Variants in SCN3A observed in about 807,000 individuals in gnomAD.
The protein encoded by SCN3A is sodium voltage-gated channel alpha subunit 3.
In SCN3A, 60 loss-of-function variants were observed where a neutral mutation model predicts 187.6. The ratio of observed to expected loss-of-function variants is 0.32; its 90% CI spans 0.26 to 0.40. The LOEUF is 0.40. SCN3A is among the 10% of genes least tolerant of loss of function. The pLI, the probability that SCN3A is intolerant of heterozygous loss-of-function variation, is 1.00. For missense variants in SCN3A, 1,601 were observed against 2,428.2 expected (o/e 0.66, Z 7.16); for synonymous variants, 788 against 829.2 (o/e 0.95, Z 0.85).
At chr2:165,201,301 AG>A (rs1447743392) in intron 1 of SCN3A, among the ~76,000 whole-genome samples, 11 of 152,068 alleles carry the variant, frequency 7.2e-5, no homozygotes, top group Admixed American at 7.2e-4. Flanking sequence ...TGTTTCAGCA[AG>A]GGCATCCTTC....
In SCN3A at chr2:165,127,763, T is replaced by G; in HGVS notation, c.3261A>C (p.Glu1087Asp). The G allele has an allele frequency of 6.2e-7, 1 of 1,614,096 alleles. No individual in the cohort carries two copies. Among genetic ancestry groups the G allele is most frequent in the Non-Finnish European group, 8.5e-7 (1 of 1,179,960 alleles). ...TGTTTATGAATGACATATAATCATTTTCATCGATTACGTATTTTTCAACAC... is the reference window on the plus strand; with the variant it reads ...TGTTTATGAATGACATATAATCATTGTCATCGATTACGTATTTTTCAACAC... Reference protein sequence around the residue: ...GSSVEKYVIDENDYMSFINNP... With the variant: ...GSSVEKYVIDDNDYMSFINNP... The change falls in exon 18 of 28, where the codon GAA becomes GAC. Residue 1087 changes from glutamate (E) to aspartate (D), a missense_variant. This residue lies in a region of SCN3A where 267 missense variants were observed against 313.2 expected (regional missense o/e 0.85). Transcript: ENST00000283254.
At chr2:165,117,671 A>C (rs1686439163) in intron 18 of SCN3A, among the ~76,000 whole-genome samples, 1 of 152,130 alleles carries the variant, frequency 6.6e-6, no homozygotes, top group African/African-American at 2.4e-5. Flanking sequence ...TAGTCTTTAG[A>C]TAATTCTATC....
At chr2:165,179,310 C>T (rs901531282) in intron 2 of SCN3A, among the ~76,000 whole-genome samples, 2 of 152,136 alleles carry the variant, frequency 1.3e-5, no homozygotes, top group Admixed American at 6.5e-5. Context: ...ATTGAGGCAC[C>T]TCAACACAGA....
intron 21 of SCN3A, among the ~76,000 whole-genome samples, chr2:165,108,386 A>G (rs1010623795): frequency 6.6e-6 from 1 of 152,114 alleles, no homozygotes; most frequent in South Asian, 2.1e-4. Context: ...GTTCACCTCA[A>G]CAGAGCAGCT....
chr2:165,115,289 AC>A (rs1335679884), intron 19 of SCN3A, among the ~76,000 whole-genome samples, 165 bp downstream of exon 19: 1 of 151,478 alleles, frequency 6.6e-6, no homozygotes, highest in Non-Finnish European at 1.5e-5. Flanking sequence ...GTGGTCTCAA[AC>A]TCCTGGGGTC....
chr2:165,171,516 A>G (rs1690099998), intron 3 of SCN3A, among the ~76,000 whole-genome samples: 3 of 152,192 alleles, frequency 2.0e-5, no homozygotes, highest in Non-Finnish European at 1.5e-5. Flanking sequence ...TGCCAATTGA[A>G]TGAAAATTTC....
At chr2:165,159,764 A>G (rs1266491122) in intron 9 of SCN3A, among the ~76,000 whole-genome samples, 1 of 134,722 alleles carries the variant, frequency 7.4e-6, no homozygotes, top group Non-Finnish European at 1.5e-5. Context: ...TCTTTGTAAA[A>G]CAGCAGCTTT....
At chr2:165,151,362 AT>A (rs1461658560) in intron 11 of SCN3A, among the ~76,000 whole-genome samples, 1 of 152,194 alleles carries the variant, frequency 6.6e-6, no homozygotes, top group East Asian at 1.9e-4. Context: ...ATGTGGAGCC[AT>A]TCATCTGAAA....
At position 165,140,812 on chromosome 2, in the gene SCN3A, G is replaced by T. The variant is rs1288869563; in HGVS notation, c.1858C>A (p.Arg620=). 6.2e-7 allele frequency: 1 copy of T among 1,614,034 alleles called. No homozygotes were observed. The highest frequency in any genetic ancestry group is 1.7e-5 in the Admixed American group (1 of 59,996). ...GCCTGACTAACGTTACTGTTGCGTC[G>T]CTCTCCATGTCTGTGCGGCACAAAC... The part of the protein sequence containing the change: ...SLFVPHRHGE[R]RNSNVSQASM... Residue 620 remains arginine (R), a synonymous_variant, in exon 13 of 28, where the codon CGA becomes AGA. Coordinates refer to ENST00000283254, the MANE Select transcript of SCN3A (RefSeq NM_006922.4). The surrounding 1 kb of genome is among the most constrained non-coding windows in gnomAD (Gnocchi z 4.2).
At position 165,089,375 on chromosome 2, in the gene SCN3A, A is replaced by G. The variant is rs929944254; in HGVS notation, c.*775T>C. 7.2e-5 allele frequency: 11 copies of G among 152,628 alleles called. No individual in the cohort carries two copies. The highest frequency in any genetic ancestry group is 1.3e-4 in the Admixed American group (2 of 15,278). The allele number at this position is 152,628 out of a possible 1,614,324, so 9.5% of individuals were successfully genotyped here. A position where few individuals can be genotyped will look rare whatever the true frequency, so the allele number is the denominator to read the frequency against. On this transcript the variant is annotated 3_prime_UTR_variant, in exon 28 of 28. Transcript: ENST00000283254. ...TATTTTTCTAGAATGGATTTATTAG[A>G]TTACTTTTTGGAAAGCATTTGACCT...
intron 21 of SCN3A, among the ~76,000 whole-genome samples, chr2:165,103,502 A>G (rs2105672437): frequency 6.6e-6 from 1 of 152,314 alleles, no homozygotes; most frequent in African/African-American, 2.4e-5. Context: ...ACCCATTTCC[A>G]AAAACTAAAT....
At chr2:165,147,148 C>G in intron 11 of SCN3A, 119 bp from the exon 12 acceptor site, 2 of 1,141,454 alleles carry the variant, frequency 1.8e-6, no homozygotes, top group Non-Finnish European at 2.5e-6. Context: ...ATCCTCTAGT[C>G]CTTTTATTTT....
At chr2:165,170,217 ATGGT>A (rs1323517980) in intron 4 of SCN3A, among the ~76,000 whole-genome samples, 1 of 151,882 alleles carries the variant, frequency 6.6e-6, no homozygotes, top group Non-Finnish European at 1.5e-5. Context: ...ATTCACTATC[ATGGT>A]TGGTTACATA....
chr2:165,176,748 T>C (rs979473396), intron 2 of SCN3A, among the ~76,000 whole-genome samples: 1 of 152,184 alleles, frequency 6.6e-6, no homozygotes, highest in Non-Finnish European at 1.5e-5. Context: ...TATAATTTTG[T>C]CCATTTTTTA....
chr2:165,167,694 C>T (rs950740551), intron 5 of SCN3A, among the ~76,000 whole-genome samples: 1 of 151,868 alleles, frequency 6.6e-6, no homozygotes, highest in Non-Finnish European at 1.5e-5. Context: ...AATGTTGTTA[C>T]GATAAAGAAA....
At position 165,113,040 on chromosome 2, in the gene SCN3A, T is replaced by G; in HGVS notation, c.3688A>C (p.Ile1230Leu). 1 of 1,612,186 alleles carries G rather than the reference T, an allele frequency of 6.2e-7. No individual in the cohort carries two copies. The highest frequency in any genetic ancestry group is 1.1e-5 in the South Asian group (1 of 90,744). Reference protein sequence around the residue: ...SGALAFEDIYIEQRKTIKTML... With the variant: ...SGALAFEDIYLEQRKTIKTML... ...GTTTTGATAGTCTTTCGCTGTTCAA[T>G]GTATATATCTTCAAAGGCCTATGAA... Residue 1230 changes from isoleucine to leucine, a missense_variant, in exon 21 of 28, where the codon ATT becomes CTT. Ile to Leu is a conservative substitution (Grantham distance 5). Transcript: ENST00000283254.
intron 22 of SCN3A, 29 bp downstream of exon 22, chr2:165,100,273 T>A: frequency 6.2e-7 from 1 of 1,610,236 alleles, no homozygotes; most frequent in Admixed American, 1.7e-5. Context: ...AATTTTGACA[T>A]GAATAATTAG....
At chr2:165,194,810 C>T (rs1691840812) in intron 1 of SCN3A, 1 of 151,898 alleles carries the variant, frequency 6.6e-6, no homozygotes, top group Admixed American at 6.6e-5. Flanking sequence ...CCAAAAAGGG[C>T]CCTTTGAAAT....
chr2:165,146,201 A>G (rs774195298), intron 12 of SCN3A, among the ~76,000 whole-genome samples: 1 of 152,110 alleles, frequency 6.6e-6, no homozygotes, highest in East Asian at 1.9e-4. Flanking sequence ...TAAAGACAAA[A>G]CCCAAAGAAC....
Sources: allele counts gnomAD v4.1 joint callset (sites outside exome capture counted in the v4.1 genomes callset), GRCh38; gene constraint gnomAD v4.1.1; regional missense constraint gnomAD v4.1.1; non-coding constraint Gnocchi (gnomAD v3.1); transcripts MANE v1.5; gene names NCBI Gene and HGNC (gene_info 2026-07-23, HGNC 2026-07-21).